The following ZC3H18 variants were observed in gnomAD, a reference collection of about 807,000 sequenced individuals.
ZC3H18 encodes zinc finger CCCH domain-containing protein 18.
Under a neutral mutation model 106.1 loss-of-function variants are expected in ZC3H18, and 8 were observed. That is an observed-to-expected ratio of 0.08 (90% confidence interval 0.04 to 0.14). The LOEUF (loss-of-function observed/expected upper bound fraction) is 0.14, where lower values mean the gene tolerates loss of function less well. ZC3H18 is among the 10% of genes least tolerant of loss of function. The pLI, the probability that ZC3H18 is intolerant of heterozygous loss-of-function variation, is 1.00. For missense variants in ZC3H18, 1,318 were observed against 1,278.4 expected (o/e 1.03, Z -0.47); for synonymous variants, 635 against 522.1 (o/e 1.22, Z -2.95).
intron 6 of ZC3H18, among the ~76,000 whole-genome samples, chr16:88,606,107 G>T (rs969459038): frequency 3.9e-5 from 6 of 152,242 alleles, no homozygotes; most frequent in African/African-American, 1.4e-4. Flanking sequence ...CTTCACCACA[G>T]AACCCTTTTC....
At position 88,570,801 on chromosome 16, in the gene ZC3H18, G is replaced by T. The variant is rs8060322; in HGVS notation, c.-15+235G>T. On this transcript the variant is annotated intron_variant, in intron 1 of 17. Coordinates refer to ENST00000301011, the MANE Select transcript of ZC3H18 (RefSeq NM_144604.4). Reference sequence around the variant, plus strand: ...CCCGCGGTCCTGGGGCGCCCTGGGCGCCCGAGCTCCTCGCGCGCTGCCTCC... The same window carrying T: ...CCCGCGGTCCTGGGGCGCCCTGGGCTCCCGAGCTCCTCGCGCGCTGCCTCC... Among the ~76,000 whole-genome samples, 1,135 of 152,168 alleles carry T rather than the reference G, an allele frequency of 7.5e-3. 18 individuals are homozygous for T. The highest frequency in any genetic ancestry group is 0.026 in the African/African-American group (1,088 of 41,528).
At position 88,577,360 on chromosome 16, in the gene ZC3H18, A is replaced by G. The variant is rs745471563; in HGVS notation, c.237A>G (p.Gln79=). 6 of 1,599,282 alleles carry G rather than the reference A, an allele frequency of 3.8e-6. No homozygotes were observed. The African/African-American group carries it at 6.7e-5, about 18-fold the overall frequency. ...EEDRASEPKS[Q]DQDSEVNELS... The stretch of plus-strand genomic sequence containing the variant: ...ACCGGGCAAGTGAGCCTAAATCCCA[A>G]GACCAGGACTCAGAGGTGAATGAGC... The change falls in exon 2 of 18, where the codon CAA becomes CAG. Residue 79 remains glutamine (Q), a synonymous_variant. Transcript: ENST00000301011.
chr16:88,631,176 C>T lies in ZC3H18; in HGVS notation c.2739C>T (p.Gly913=), dbSNP rs781213710. ...TSVPGKASDP[G]AASTKSGKAS... ...TGCCCGGCAAAGCCTCGGATCCCGG[C>T]GCCGCCAGCACCAAATCAGGGAAGG... Residue 913 remains glycine, a synonymous_variant, in exon 18 of 18, where the codon GGC becomes GGT. Coordinates refer to ENST00000301011, the MANE Select transcript of ZC3H18 (RefSeq NM_144604.4). 1.2e-5 allele frequency: 20 copies of T among 1,613,484 alleles called. No individual in the cohort carries two copies. The highest frequency in any genetic ancestry group is 1.1e-4 in the South Asian group (10 of 91,082).
intron 3 of ZC3H18, among the ~76,000 whole-genome samples, chr16:88,596,071 C>G (rs1014854119): frequency 6.6e-6 from 1 of 152,168 alleles, no homozygotes; most frequent in Admixed American, 6.5e-5. Context: ...CAGGACAGCG[C>G]TCAGCACCCC....
rs761739775 is a variant in ZC3H18 at position 88,577,446 on chromosome 16, G to A, written c.323G>A (p.Arg108Gln). The change falls in exon 2 of 18, where the codon CGG (arginine) becomes CAG (glutamine). Residue 108 changes from arginine to glutamine, a missense_variant. By Grantham distance (43) the Arg-to-Gln change is conservative (BLOSUM62 1). Coordinates refer to ENST00000301011, the MANE Select transcript of ZC3H18 (RefSeq NM_144604.4). ...EEEGDEGEEDRTSDLRDEASS... is the reference protein window; with the variant it reads ...EEEGDEGEEDQTSDLRDEASS... Reference sequence around the variant, plus strand: ...GAGGGGGACGAAGGGGAGGAAGACCGGACAAGCGACCTTAGGGATGAGGCC... The same window carrying A: ...GAGGGGGACGAAGGGGAGGAAGACCAGACAAGCGACCTTAGGGATGAGGCC... 113 of 1,609,486 alleles carry A rather than the reference G, an allele frequency of 7.0e-5. No homozygotes were observed. Among genetic ancestry groups the A allele is most frequent in the Middle Eastern group, 1.6e-4 (1 of 6,068 alleles).
At chr16:88,624,820 A>T (rs1906201554) in intron 12 of ZC3H18, 75 bp downstream of exon 12, 1 of 1,504,634 alleles carries the variant, frequency 6.6e-7, no homozygotes, top group Non-Finnish European at 8.9e-7. Context: ...ACTGCTGGAA[A>T]TCCAGAGTGC....
At chr16:88,593,018 TAA>T (rs1915842021) in intron 3 of ZC3H18, among the ~76,000 whole-genome samples, 1 of 152,240 alleles carries the variant, frequency 6.6e-6, no homozygotes, top group Admixed American at 6.5e-5. Flanking sequence ...GTTTAATTTA[TAA>T]GTTACGCACA....
chr16:88,615,828 C>T (rs959228388), intron 8 of ZC3H18, among the ~76,000 whole-genome samples: 29 of 152,194 alleles, frequency 1.9e-4, no homozygotes, highest in Non-Finnish European at 3.1e-4. Context: ...TCTAAGCAGC[C>T]GGGGGCTCTT....
chr16:88,611,315 G>A lies in ZC3H18; in HGVS notation c.1254G>A (p.Glu418=), dbSNP rs763826277. 1.3e-4 allele frequency: 96 copies of A among 735,874 alleles called. 1 individual carries two copies. The highest frequency in any genetic ancestry group is 2.5e-6 in the Non-Finnish European group (1 of 401,336). The allele number at this position is 735,874 out of a possible 1,614,324, so 45.6% of individuals were successfully genotyped here. Residue 418 remains glutamate, a synonymous_variant, in exon 8 of 18, where the codon GAG becomes GAA. Coordinates refer to ENST00000301011, the MANE Select transcript of ZC3H18 (RefSeq NM_144604.4). ...GAGAGAACAGACAGCGCGAGCGCGA[G>A]CGGGAGCGGGAGCGGGACCGAGAGC... ...RERENRQRER[E]RERERDRERE...
intron 10 of ZC3H18, 39 bp from the exon 11 acceptor site, chr16:88,623,919 C>T (rs375572337): frequency 2.5e-6 from 4 of 1,571,954 alleles, no homozygotes; most frequent in South Asian, 2.3e-5. Context: ...TGAAGAAACA[C>T]CCCCAGGCCC....
At position 88,627,509 on chromosome 16, in the gene ZC3H18, G is replaced by C; in HGVS notation, c.2109-113G>C. The C allele has an allele frequency of 7.1e-7, 1 of 1,400,862 alleles. No homozygotes were observed. Among genetic ancestry groups the C allele is most frequent in the Non-Finnish European group, 9.6e-7 (1 of 1,039,590 alleles). The allele number at this position is 1,400,862 out of a possible 1,614,324, so 86.8% of individuals were successfully genotyped here. ...GTGTCCCCCCAAAATCACACATTCC[G>C]TGGGTACATGATCCATAAATGGACA... On this transcript the variant is annotated intron_variant, in intron 13 of 17. Coordinates refer to ENST00000301011, the MANE Select transcript of ZC3H18 (RefSeq NM_144604.4). This position sits in a 1 kb window ranked among gnomAD's most constrained non-coding sequence, Gnocchi z 4.5.
chr16:88,631,589 C>T lies in ZC3H18; in HGVS notation c.*290C>T. The T allele has an allele frequency of 3.9e-6, 2 of 511,396 alleles. No individual in the cohort carries two copies. Among genetic ancestry groups the T allele is most frequent in the East Asian group, 5.2e-5 (1 of 19,182 alleles). The allele number at this position is 511,396 out of a possible 1,614,324, so 31.7% of individuals were successfully genotyped here. On this transcript the variant is annotated 3_prime_UTR_variant, in exon 18 of 18. Coordinates refer to ENST00000301011, the MANE Select transcript of ZC3H18 (RefSeq NM_144604.4). ...CAGCCGCCAGCCCCGCCTTCTCTTC[C>T]TCCTCCTCCGTCTTCTTCCCTGGCC... is the stretch of plus-strand genomic sequence containing the variant.
intron 7 of ZC3H18, chr16:88,609,356 G>A (rs770028080): frequency 4.5e-5 from 9 of 198,634 alleles, no homozygotes; most frequent in Non-Finnish European, 8.4e-5. Context: ...GGAGTGCAGC[G>A]GTGCAATCTC....
rs556891447 is a variant in ZC3H18 at position 88,631,179 on chromosome 16, C to A, written c.2742C>A (p.Ala914=). The A allele has an allele frequency of 1.9e-6, 3 of 1,613,602 alleles. No homozygotes were observed. The highest frequency in any genetic ancestry group is 2.5e-6 in the Non-Finnish European group (3 of 1,180,034). ...CCGGCAAAGCCTCGGATCCCGGCGC[C>A]GCCAGCACCAAATCAGGGAAGGCCA... is the stretch of plus-strand genomic sequence containing the variant. The part of the protein sequence containing the change: ...SVPGKASDPG[A]ASTKSGKAST... Residue 914 remains alanine, a synonymous_variant, in exon 18 of 18, where the codon GCC becomes GCA. Coordinates refer to ENST00000301011, the MANE Select transcript of ZC3H18 (RefSeq NM_144604.4).
At chr16:88,571,574 C>G (rs1451251663) in intron 1 of ZC3H18, 2 of 977,734 alleles carry the variant, frequency 2.0e-6, no homozygotes, top group African/African-American at 1.7e-5. Flanking sequence ...TGGAACCAGT[C>G]AAATGTGTCC....
At chr16:88,611,128 G>T in intron 7 of ZC3H18, 140 bp from the exon 8 acceptor site, 1 of 677,984 alleles carries the variant, frequency 1.5e-6, no homozygotes, top group Non-Finnish European at 2.7e-6. Flanking sequence ...GGAGCACTTG[G>T]CGTTTTGTGT....
At chr16:88,593,313 C>T (rs575025326) in intron 3 of ZC3H18, among the ~76,000 whole-genome samples, 2 of 152,296 alleles carry the variant, frequency 1.3e-5, no homozygotes, top group East Asian at 3.9e-4. Flanking sequence ...CGGTTGTTGG[C>T]CAAGAGGGCT....
intron 3 of ZC3H18, among the ~76,000 whole-genome samples, chr16:88,594,911 G>C (rs1417266725): frequency 6.6e-6 from 1 of 152,202 alleles, no homozygotes; most frequent in Non-Finnish European, 1.5e-5. Flanking sequence ...CAGCACTTTG[G>C]GAGGCCGAGG....
chr16:88,576,052 C>T (rs926185162), intron 1 of ZC3H18, among the ~76,000 whole-genome samples: 5 of 152,190 alleles, frequency 3.3e-5, no homozygotes, highest in Non-Finnish European at 7.3e-5. Context: ...AGGCGCCTGC[C>T]ACCACGTGCA....
Sources: allele counts gnomAD v4.1 joint callset (sites outside exome capture counted in the v4.1 genomes callset), GRCh38; gene constraint gnomAD v4.1.1; non-coding constraint Gnocchi (gnomAD v3.1); transcripts MANE v1.5; gene names NCBI Gene and HGNC (gene_info 2026-07-23, HGNC 2026-07-21).